The following C1orf185 variants were observed in gnomAD, a reference collection of about 807,000 sequenced individuals.
The protein encoded by C1orf185 is uncharacterized protein C1orf185.
A neutral mutation model predicts 16.1 loss-of-function variants in C1orf185; 13 were observed. The ratio of observed to expected loss-of-function variants is 0.81; its 90% CI spans 0.53 to 1.28. The LOEUF is 1.28. Among genes scored for constraint, C1orf185 ranks in the 50% most tolerant of loss-of-function variants. The probability of loss-of-function intolerance (pLI) is 0.00; values close to 1 mark genes in which losing one functional copy is unlikely to be tolerated. For synonymous variants in C1orf185, 80 were observed against 76.9 expected, an observed-to-expected ratio of 1.04 and a Z score of -0.21; for missense variants, 220 against 225.2, an observed-to-expected ratio of 0.98 and a Z score of 0.15.
At chr1:51,114,906 G>T (rs1646146814) in intron 2 of C1orf185, among the ~76,000 whole-genome samples, 1 of 152,098 alleles carries the variant, frequency 6.6e-6, no homozygotes, top group Non-Finnish European at 1.5e-5. Flanking sequence ...ACTGCCCTAG[G>T]AAGTTCCCTC....
intron 2 of C1orf185, 143 bp downstream of exon 2, chr1:51,112,712 G>A (rs779491181): frequency 4.1e-5 from 27 of 659,522 alleles, no homozygotes; most frequent in Non-Finnish European, 6.0e-5. Context: ...TTTGGTTGGG[G>A]ACGGAAGGCT....
intron 3 of C1orf185, among the ~76,000 whole-genome samples, chr1:51,122,161 G>GT (rs1322849230): frequency 6.6e-6 from 1 of 151,940 alleles, no homozygotes; most frequent in Non-Finnish European, 1.5e-5. Flanking sequence ...ATTTTCTGTG[G>GT]TTTACATTAA....
intron 3 of C1orf185, among the ~76,000 whole-genome samples, chr1:51,131,210 G>T (rs1195197617): frequency 2.0e-5 from 3 of 152,186 alleles, no homozygotes; most frequent in African/African-American, 7.2e-5. Context: ...GCCGTTAATT[G>T]TTTTGTATAA....
intron 1 of C1orf185, among the ~76,000 whole-genome samples, chr1:51,106,503 GGT>G (rs1297510635): frequency 6.6e-6 from 1 of 152,044 alleles, no homozygotes; most frequent in Non-Finnish European, 1.5e-5. Context: ...AGCCAGGAAT[GGT>G]GGCATGTGCC....
intron 3 of C1orf185, among the ~76,000 whole-genome samples, chr1:51,139,091 CT>C (rs896936511): frequency 9.4e-5 from 14 of 149,342 alleles, no homozygotes; most frequent in African/African-American, 2.7e-4. Context: ...AATTTCCTTT[CT>C]TTTTTTTTTC....
intron 1 of C1orf185, among the ~76,000 whole-genome samples, chr1:51,109,544 G>A (rs561623031): frequency 5.9e-5 from 9 of 151,542 alleles, no homozygotes; most frequent in Non-Finnish European, 1.2e-4. Context: ...TTATAGTTTG[G>A]GCTCTTACAT....
chr1:51,127,579 C>T (rs1488064174), intron 3 of C1orf185, among the ~76,000 whole-genome samples: 3 of 152,128 alleles, frequency 2.0e-5, no homozygotes, highest in African/African-American at 7.2e-5. Flanking sequence ...AGCCACTGCG[C>T]CCAGCAGCTT....
intron 2 of C1orf185, among the ~76,000 whole-genome samples, chr1:51,115,742 A>G (rs755801686): frequency 9.9e-5 from 15 of 152,190 alleles, no homozygotes; most frequent in Non-Finnish European, 1.6e-4. Flanking sequence ...TAATGGAGCA[A>G]GAGTGAAAGC....
At chr1:51,150,746 A>G (rs1165922478), downstream of C1orf185, among the ~76,000 whole-genome samples, 4 of 152,200 alleles carry the variant, frequency 2.6e-5, no homozygotes, top group East Asian at 7.7e-4. Flanking sequence ...TTTATTGTTC[A>G]TAGCAATAAC....
intron 3 of C1orf185, among the ~76,000 whole-genome samples, chr1:51,126,518 C>T (rs1646241817): frequency 6.6e-6 from 1 of 152,148 alleles, no homozygotes; most frequent in African/African-American, 2.4e-5. Context: ...GCCTCAGCCT[C>T]CCAATGTGCT....
intron 2 of C1orf185, among the ~76,000 whole-genome samples, chr1:51,114,378 T>C (rs971989456): frequency 6.6e-6 from 1 of 152,222 alleles, no homozygotes; most frequent in African/African-American, 2.4e-5. Flanking sequence ...TCATATGTTA[T>C]CTCATTCAGA....
intron 4 of C1orf185, among the ~76,000 whole-genome samples, chr1:51,146,251 G>C (rs1036391294): frequency 2.0e-5 from 3 of 151,950 alleles, no homozygotes; most frequent in Admixed American, 2.0e-4. Flanking sequence ...TTGAGGCCAG[G>C]AGTTCAAGAC....
intron 4 of C1orf185, among the ~76,000 whole-genome samples, chr1:51,146,456 CAAAA>C (rs966563093): frequency 1.5e-5 from 1 of 64,648 alleles, no homozygotes; most frequent in African/African-American, 5.8e-5. Flanking sequence ...AAGACTGTCT[CAAAA>C]AAAAAAAAAA....
At chr1:51,136,523 C>T (rs1646326367) in intron 3 of C1orf185, among the ~76,000 whole-genome samples, 1 of 152,034 alleles carries the variant, frequency 6.6e-6, no homozygotes, top group African/African-American at 2.4e-5. Flanking sequence ...GTAGCCAAAA[C>T]AGCTACTGTT....
intron 1 of C1orf185, among the ~76,000 whole-genome samples, chr1:51,106,209 AT>A (rs201941645): frequency 1.2e-4 from 19 of 152,250 alleles, no homozygotes; most frequent in African/African-American, 2.2e-4. Context: ...ATATATGAAA[AT>A]TTAAAAAAAA....
chr1:51,112,482 C>T lies in C1orf185; in HGVS notation c.35C>T (p.Thr12Ile), dbSNP rs1336370519. The T allele has an allele frequency of 6.5e-7, 1 of 1,548,392 alleles. No homozygotes were observed. Among genetic ancestry groups the T allele is most frequent in the Admixed American group, 2.0e-5 (1 of 50,532 alleles). ...ASPKGFFNYL[T>I]YFLAAGAVTL... Reference sequence around the variant, plus strand: ...TGTATAGGTTTTTTTAATTACTTGACCTATTTTCTTGCTGCTGGTGCTGTC... The same window carrying T: ...TGTATAGGTTTTTTTAATTACTTGATCTATTTTCTTGCTGCTGGTGCTGTC... The change falls in exon 2 of 5, where the codon ACC (threonine) becomes ATC (isoleucine). Residue 12 changes from threonine to isoleucine, a missense_variant. By Grantham distance (89) the Thr-to-Ile change is moderately conservative. Transcript: ENST00000371759.
At chr1:51,126,969 A>G (rs888829851) in intron 3 of C1orf185, among the ~76,000 whole-genome samples, 1 of 150,910 alleles carries the variant, frequency 6.6e-6, no homozygotes, top group Non-Finnish European at 1.5e-5. Context: ...ATGTCCCTCA[A>G]TTGGGGTTTG....
chr1:51,113,761 T>A (rs1479329370), intron 2 of C1orf185, among the ~76,000 whole-genome samples: 1 of 152,176 alleles, frequency 6.6e-6, no homozygotes, highest in Non-Finnish European at 1.5e-5. Flanking sequence ...AATTGTAACA[T>A]AATCTTCCCA....
At chr1:51,118,832 C>A in intron 3 of C1orf185, 31 bp downstream of exon 3, 1 of 1,315,112 alleles carries the variant, frequency 7.6e-7, no homozygotes, top group Non-Finnish European at 1.0e-6. Context: ...GTAATCTTTT[C>A]AAATAATTTC....
Sources: allele counts gnomAD v4.1 joint callset (sites outside exome capture counted in the v4.1 genomes callset), GRCh38; gene constraint gnomAD v4.1.1; transcripts MANE v1.5; gene names NCBI Gene and HGNC (gene_info 2026-07-23, HGNC 2026-07-21).